Variants in HTT observed in about 807,000 individuals in gnomAD.
HTT encodes the protein huntington disease protein.
A neutral mutation model predicts 362.3 loss-of-function variants in HTT; 104 were observed. The observed-to-expected ratio is 0.29, with a 90% CI of 0.24 to 0.34. HTT has a LOEUF of 0.34. Ranked by LOEUF, HTT falls within the 10% of genes least tolerant of loss-of-function variation. The pLI, the probability that HTT is intolerant of heterozygous loss-of-function variation, is 1.00. For missense variants in HTT, 3,301 were observed against 3,928.6 expected, an observed-to-expected ratio of 0.84 and a Z score of 4.27; for synonymous variants, 1,577 against 1,548.7, an observed-to-expected ratio of 1.02 and a Z score of -0.43.
At chr4:3,147,384 G>A (rs532916340) in intron 25 of HTT, among the ~76,000 whole-genome samples, 84 of 152,250 alleles carry the variant, frequency 5.5e-4, no homozygotes, top group Middle Eastern at 3.4e-3. Flanking sequence ...TGGGCTGGTA[G>A]GAAAGAGCAC....
intron 1 of HTT, 123 bp downstream of exon 1, chr4:3,075,211 C>T (rs779968053): frequency 1.0e-6 from 1 of 975,564 alleles, no homozygotes; most frequent in South Asian, 5.1e-5. Context: ...ACAGAGTGAC[C>T]CAGCAACCCA....
At chr4:3,106,223 G>A (rs564224302) in intron 5 of HTT, among the ~76,000 whole-genome samples, 24 of 152,308 alleles carry the variant, frequency 1.6e-4, no homozygotes, top group African/African-American at 5.1e-4. Context: ...AGGCATGGTG[G>A]TGCGTGCCTG....
chr4:3,208,655 T>A, intron 45 of HTT, 118 bp from the exon 46 acceptor site: 1 of 942,252 alleles, frequency 1.1e-6, no homozygotes, highest in Non-Finnish European at 1.5e-6. Context: ...AAGAAGCCAC[T>A]AATAGTGCAT....
rs1553918173 is a variant in HTT, at chr4:3,188,073, G to GAAGTTCTGTC, written c.5225+189_5225+198dup. On this transcript the variant is annotated intron_variant, in intron 39 of 66. Transcript: ENST00000355072. ...ATGGCTCTTGGTTCATACCTGTCTT[G>GAAGTTCTGTC]AAGTTCTGTCATGTTCTGTCTCTTG... The GAAGTTCTGTC allele has an allele frequency of 3.8e-4, 214 of 560,962 alleles. 1 individual carries two copies. Among genetic ancestry groups the GAAGTTCTGTC allele is most frequent in the Middle Eastern group, 2.9e-3 (6 of 2,074 alleles). The allele number at this position is 560,962 out of a possible 1,614,324, so 34.7% of individuals were successfully genotyped here. A position where few individuals can be genotyped will look rare whatever the true frequency, so the allele number is the denominator to read the frequency against.
In HTT at chr4:3,208,905, G is replaced by A. The variant is rs773432608; in HGVS notation, c.6285G>A (p.Pro2095=). The change falls in exon 46 of 67, where the codon CCG becomes CCA. Residue 2095 remains proline, a synonymous_variant. Coordinates refer to ENST00000355072, the MANE Select transcript of HTT (RefSeq NM_001388492.1). ...ACGTGTCACTGGAAACAGTGAGTCCGGACAAAGTAAGTGTCCAGCGTGTCT... is the reference window on the plus strand; with the variant it reads ...ACGTGTCACTGGAAACAGTGAGTCCAGACAAAGTAAGTGTCCAGCGTGTCT... ...DGHVSLETVS[P]DKDWYVHLVK... 6.2e-6 allele frequency: 10 copies of A among 1,610,066 alleles called. 1 individual carries two copies. Among genetic ancestry groups the A allele is most frequent in the South Asian group, 5.5e-5 (5 of 90,244 alleles).
At position 3,131,369 on chromosome 4, in the gene HTT, T is replaced by C. The variant is rs200648152; in HGVS notation, c.2070T>C (p.Ala690=). The C allele has an allele frequency of 5.0e-6, 8 of 1,613,892 alleles. No individual in the cohort carries two copies. The highest frequency in any genetic ancestry group is 5.9e-6 in the Non-Finnish European group (7 of 1,179,928). ...PLVHCVRLLS[A]SFLLTGGKNV... The stretch of plus-strand genomic sequence containing the variant: ...TCCATTGTGTCCGCCTTTTATCTGC[T>C]TCGTTTTTGCTAACAGGGGGAAAAA... The change falls in exon 15 of 67, where the codon GCT becomes GCC. Residue 690 remains alanine (A), a synonymous_variant. Transcript: ENST00000355072.
rs550365309 is a variant in HTT at position 3,121,406 on chromosome 4, G to A, written c.1247G>A (p.Arg416His). Reference sequence around the variant, plus strand: ...AAGGAGGAGTCTGGTGGCCGAAGCCGTAGTGGGAGTATTGTGGAACTTATA... The same window carrying A: ...AAGGAGGAGTCTGGTGGCCGAAGCCATAGTGGGAGTATTGTGGAACTTATA... The part of the protein sequence containing the change: ...AAKEESGGRS[R>H]SGSIVELIAG... Residue 416 changes from arginine to histidine, a missense_variant, in exon 9 of 67, where the codon CGT (arginine) becomes CAT (histidine). By Grantham distance (29) the Arg-to-His change is conservative. Around this residue, in one of 4 missense-constraint regions of HTT, gnomAD observed 2,316 missense variants for 2,658.5 expected, o/e 0.87. Transcript: ENST00000355072. 6.8e-6 allele frequency: 11 copies of A among 1,613,838 alleles called. No homozygotes were observed. The highest frequency in any genetic ancestry group is 4.0e-5 in the African/African-American group (3 of 75,056).
At chr4:3,220,330 C>G in intron 53 of HTT, 22 bp downstream of exon 53, 1 of 1,604,386 alleles carries the variant, frequency 6.2e-7, no homozygotes. Flanking sequence ...GCCTCTCCTT[C>G]AGGTCACCAT....
intron 21 of HTT, 67 bp downstream of exon 21, chr4:3,136,393 G>T: frequency 1.3e-6 from 1 of 787,118 alleles, no homozygotes; most frequent in Non-Finnish European, 2.2e-6. Context: ...AGAATGGAAA[G>T]AGAGGGAAGA....
At chr4:3,128,443 C>T (rs1715625288) in intron 12 of HTT, 1 of 152,108 alleles carries the variant, frequency 6.6e-6, no homozygotes, top group Non-Finnish European at 1.5e-5. Flanking sequence ...ATTATATGAA[C>T]TCTGCTAAAA....
At chr4:3,173,197 TA>T in intron 31 of HTT, 66 bp downstream of exon 31, 7 of 1,350,244 alleles carry the variant, frequency 5.2e-6, no homozygotes, top group Non-Finnish European at 7.4e-6. Flanking sequence ...AAATACTTTG[TA>T]AAAGAATAAA....
Position 3,182,276 on chromosome 4 carries a change from C to G in HTT, c.4750-78C>G, listed in dbSNP as rs1718560280. On this transcript the variant is annotated intron_variant, in intron 36 of 66. Transcript: ENST00000355072. ...CTAGAGTCTTCCAGCTGAACTGGGA[C>G]AAGTATAACAGACGGACACGTAGGG... 4.6e-6 allele frequency: 4 copies of G among 869,342 alleles called. No homozygotes were observed. In the Admixed American group the frequency reaches 5.7e-5, roughly 12 times the overall value. The allele number at this position is 869,342 out of a possible 1,614,324, so 53.9% of individuals were successfully genotyped here.
intron 31 of HTT, among the ~76,000 whole-genome samples, chr4:3,173,982 A>C (rs1336828737): frequency 1.3e-5 from 2 of 152,112 alleles, no homozygotes; most frequent in Non-Finnish European, 2.9e-5. Context: ...CTTTTCACTT[A>C]AATTTATGTT....
intron 27 of HTT, 98 bp from the exon 28 acceptor site, chr4:3,156,974 T>C (rs1186565115): frequency 2.1e-6 from 2 of 974,878 alleles, no homozygotes; most frequent in East Asian, 2.5e-5. Context: ...ATTTTCATAC[T>C]AGAATACTTT....
chr4:3,086,913 A>T, intron 1 of HTT, 26 bp from the exon 2 acceptor site: 1 of 1,352,348 alleles, frequency 7.4e-7, no homozygotes, highest in Non-Finnish European at 1.1e-6. Context: ...AACACATATT[A>T]ATTTCCTTCT....
chr4:3,206,917 G>A lies in HTT; in HGVS notation c.6009G>A (p.Val2003=). The change falls in exon 44 of 67, where the codon GTG becomes GTA. Residue 2003 remains valine, a synonymous_variant. Transcript: ENST00000355072. The surrounding 1 kb of genome is among the most constrained non-coding windows in gnomAD (Gnocchi z 4.6). ...GGCTTCTGTGCACCCCTTTCCGTGT[G>A]CTGGCTCGCATGGTCGACATCCTTG... ...VDRLLCTPFR[V]LARMVDILAC... is the part of the protein sequence containing the mutation. 6.2e-7 allele frequency: 1 copy of A among 1,614,142 alleles called. No homozygotes were observed. Among genetic ancestry groups the A allele is most frequent in the South Asian group, 1.1e-5 (1 of 91,086 alleles).
In HTT at chr4:3,223,468, C is replaced by A; in HGVS notation, c.7533C>A (p.Leu2511=). The change falls in exon 55 of 67, where the codon CTC becomes CTA. Residue 2511 remains leucine, a synonymous_variant. Transcript: ENST00000355072. ...LAVQAITSLV[L]SAMTVPVAGN... Reference sequence around the variant, plus strand: ...TGCAGGCCATCACCTCACTGGTGCTCAGTGCAATGACTGTGCCTGTGGCCG... The same window carrying A: ...TGCAGGCCATCACCTCACTGGTGCTAAGTGCAATGACTGTGCCTGTGGCCG... 1 of 1,613,754 alleles carries A rather than the reference C, an allele frequency of 6.2e-7. No individual in the cohort carries two copies. Among genetic ancestry groups the A allele is most frequent in the South Asian group, 1.1e-5 (1 of 91,008 alleles).
intron 1 of HTT, among the ~76,000 whole-genome samples, chr4:3,079,418 G>A (rs2110134415): frequency 6.6e-6 from 1 of 152,150 alleles, no homozygotes; most frequent in Middle Eastern, 3.4e-3. Context: ...CATCACACCT[G>A]GCCAGATGAT....
chr4:3,083,526 A>AATAT (rs141494195), intron 1 of HTT, among the ~76,000 whole-genome samples: 7,263 of 81,660 alleles, frequency 0.089, 484 homozygotes, highest in East Asian at 0.11. Context: ...CCTGTCTCTA[A>AATAT]ATATACACAC....
Sources: gnomAD v4.1 joint callset for allele counts (sites outside exome capture counted in the v4.1 genomes callset) on GRCh38, gnomAD v4.1.1 for gene constraint, gnomAD v4.1.1 regional missense constraint, Gnocchi (gnomAD v3.1) non-coding constraint, MANE v1.5 for transcripts, NCBI Gene and HGNC (gene_info 2026-07-23, HGNC 2026-07-21) for gene names.